PCDH15: variants seen among roughly 807,000 people sequenced by gnomAD.
PCDH15 encodes protocadherin related 15.
In PCDH15, 129 loss-of-function variants were observed where a neutral mutation model predicts 178.5. That is an observed-to-expected ratio of 0.72 (90% confidence interval 0.63 to 0.84). PCDH15 has a LOEUF of 0.84. Among genes scored for constraint, PCDH15 ranks in the 40% least tolerant of loss-of-function variants. The pLI is 0.00. For missense variants in PCDH15, 2,230 were observed against 2,099.9 expected, an observed-to-expected ratio of 1.06 and a Z score of -1.21; for synonymous variants, 800 against 732.0, an observed-to-expected ratio of 1.09 and a Z score of -1.50.
At chr10:54,314,130 T>TACAC (rs58949602) in intron 8 of PCDH15, among the ~76,000 whole-genome samples, 125 of 149,828 alleles carry the variant, frequency 8.3e-4, no homozygotes, top group East Asian at 2.8e-3. Flanking sequence ...TAATTGGAAG[T>TACAC]ACACACACAC....
intron 37 of PCDH15, 76 bp downstream of exon 37, chr10:53,810,480 A>C (rs1588879524): frequency 7.6e-7 from 1 of 1,318,884 alleles, no homozygotes; most frequent in East Asian, 2.3e-5. Flanking sequence ...GAAATGTTCT[A>C]CAGCCGCTAG....
chr10:55,055,081 T>A (rs764516847), intron 2 of PCDH15, among the ~76,000 whole-genome samples: 10 of 152,174 alleles, frequency 6.6e-5, no homozygotes, highest in Non-Finnish European at 1.5e-4. Context: ...CATCATGAAG[T>A]CTTTGCCCAT....
intron 2 of PCDH15, among the ~76,000 whole-genome samples, chr10:55,584,658 CAAAAAAAAAAA>C (rs59983365): frequency 1.4e-5 from 1 of 72,270 alleles, no homozygotes; most frequent in Non-Finnish European, 2.6e-5. Context: ...ACTCTGTCTC[CAAAAAAAAAAA>C]AAAAAAAAAA....
chr10:53,998,984 C>T (rs936972272), intron 20 of PCDH15, among the ~76,000 whole-genome samples: 3 of 141,002 alleles, frequency 2.1e-5, no homozygotes, highest in Non-Finnish European at 4.5e-5. Context: ...ACCCAGGAGG[C>T]GGATGTTGCA....
At chr10:54,311,841 T>C (rs1438704703) in intron 8 of PCDH15, among the ~76,000 whole-genome samples, 1 of 152,110 alleles carries the variant, frequency 6.6e-6, no homozygotes, top group African/African-American at 2.4e-5. Context: ...CTTTAAATTT[T>C]GATATAAAGC....
At chr10:55,494,880 A>G (rs1302045036) in intron 2 of PCDH15, among the ~76,000 whole-genome samples, 2 of 151,854 alleles carry the variant, frequency 1.3e-5, no homozygotes, top group Non-Finnish European at 1.5e-5. Flanking sequence ...ACTTACTACA[A>G]TGTTACAGTA....
chr10:55,163,312 A>G (rs1839110937), intron 2 of PCDH15, among the ~76,000 whole-genome samples: 1 of 152,166 alleles, frequency 6.6e-6, no homozygotes, highest in Non-Finnish European at 1.5e-5. Flanking sequence ...AGATAGGTCC[A>G]CAAGGAATTA....
intron 3 of PCDH15, among the ~76,000 whole-genome samples, chr10:54,526,793 C>G (rs1192651026): frequency 6.6e-6 from 1 of 152,122 alleles, no homozygotes; most frequent in Non-Finnish European, 1.5e-5. Context: ...GAATATACAT[C>G]TGCGTCAATT....
rs1839681681 is a variant in PCDH15 at position 54,997,672 on chromosome 10, C to A, written c.-79-100172G>T. 2.6e-5 allele frequency among the ~76,000 whole-genome samples: 4 copies of A among 152,140 alleles called. No homozygotes were observed. In the South Asian group the frequency reaches 8.3e-4, roughly 32 times the overall value. On this transcript the variant is annotated intron_variant, in intron 2 of 5. Transcript: ENST00000458638. ...TCTTCGGAATTATTGGCAAAATAATCCATGTATTTAACTTTAAGTTTGTTA... is the reference window on the plus strand; with the variant it reads ...TCTTCGGAATTATTGGCAAAATAATACATGTATTTAACTTTAAGTTTGTTA...
chr10:55,159,371 A>ATCTATATC (rs61145272), intron 2 of PCDH15, among the ~76,000 whole-genome samples: 355 of 5,956 alleles, frequency 0.06, 2 homozygotes, highest in African/African-American at 0.065. Context: ...CTATCTATCT[A>ATCTATATC]TATATATATA....
At chr10:55,392,979 ATGTG>A (rs10546546) in intron 2 of PCDH15, among the ~76,000 whole-genome samples, 10,087 of 143,892 alleles carry the variant, frequency 0.07, 403 homozygotes, top group Non-Finnish European at 0.096. Context: ...ACTAAAGTGT[ATGTG>A]TGTGTGTGTG....
At position 54,981,111 on chromosome 10, in the gene PCDH15, G is replaced by T. The variant is rs181479579; in HGVS notation, c.-79-83611C>A. Among the ~76,000 whole-genome samples the T allele has an allele frequency of 8.0e-4, 121 of 152,078 alleles. 2 individuals are homozygous for T. Among genetic ancestry groups the T allele is most frequent in the Non-Finnish European group, 2.8e-4 (19 of 67,966 alleles). ...ATGAAGAAAAATATATCTACATTTT[G>T]ATTCTCCTCAATGGGGAACACAAAG... On this transcript the variant is annotated intron_variant, in intron 2 of 5. Transcript: ENST00000458638.
Position 54,346,404 on chromosome 10 carries a change from T to G in PCDH15, c.555A>C (p.Gly185=). The G allele has an allele frequency of 6.2e-7, 1 of 1,613,502 alleles. No individual in the cohort carries two copies. Among genetic ancestry groups the G allele is most frequent in the Non-Finnish European group, 8.5e-7 (1 of 1,179,484 alleles). The change falls in exon 6 of 38, where the codon GGA becomes GGC. Residue 185 remains glycine (G), a synonymous_variant. Transcript: ENST00000644397. Reference sequence around the variant, plus strand: ...TATACTGAATAACATACTCTATCTGTCCATTTGGTCCATCATCTATATCTG... The same window carrying G: ...TATACTGAATAACATACTCTATCTGGCCATTTGGTCCATCATCTATATCTG... ...GATDIDDGPN[G]QIEYVIQYNP...
chr10:54,402,846 C>T (rs112094340), intron 3 of PCDH15, among the ~76,000 whole-genome samples: 3,985 of 151,994 alleles, frequency 0.026, 166 homozygotes, highest in African/African-American at 0.089. Context: ...TAAGACACAA[C>T]AATATTAAAA....
chr10:53,925,879 T>C (rs1353642160), intron 25 of PCDH15, among the ~76,000 whole-genome samples: 1 of 152,226 alleles, frequency 6.6e-6, no homozygotes, highest in Non-Finnish European at 1.5e-5. Flanking sequence ...TTTACATTTG[T>C]ACCACGTGAG....
intron 1 of PCDH15, among the ~76,000 whole-genome samples, chr10:54,705,796 T>G (rs2095359600): frequency 1.3e-5 from 2 of 152,214 alleles, no homozygotes; most frequent in Non-Finnish European, 2.9e-5. Flanking sequence ...GATTCACATT[T>G]TGATTCTATC....
chr10:55,292,056 CT>C (rs1056684703), intron 1 of PCDH15, among the ~76,000 whole-genome samples: 16 of 152,244 alleles, frequency 1.1e-4, no homozygotes, highest in African/African-American at 3.1e-4. Flanking sequence ...TTATTCCCCC[CT>C]AGCCCCTTCC....
intron 24 of PCDH15, 36 bp downstream of exon 24, chr10:53,940,830 G>T: frequency 7.0e-7 from 1 of 1,435,468 alleles, no homozygotes; most frequent in Non-Finnish European, 9.8e-7. Context: ...AAGTTTACTG[G>T]TTGATGGTGA....
At chr10:54,716,727 A>G (rs1437711416) in intron 1 of PCDH15, among the ~76,000 whole-genome samples, 1 of 152,148 alleles carries the variant, frequency 6.6e-6, no homozygotes, top group African/African-American at 2.4e-5. Flanking sequence ...TCAAGCTACC[A>G]ATGACTTTCT....
Sources: allele counts gnomAD v4.1 joint callset (sites outside exome capture counted in the v4.1 genomes callset), GRCh38; gene constraint gnomAD v4.1.1; transcripts MANE v1.5; gene names NCBI Gene and HGNC (gene_info 2026-07-23, HGNC 2026-07-21).